MAGI1: variants seen among roughly 807,000 people sequenced by gnomAD.
MAGI1 encodes the protein membrane-associated guanylate kinase, WW and PDZ domain-containing protein 1.
MAGI1 carries 58 observed loss-of-function variants against 139.9 expected under a neutral mutation model. That is an observed-to-expected ratio of 0.41 (90% CI 0.34 to 0.52). The LOEUF is 0.52. Ranked by LOEUF, MAGI1 falls within the 20% of genes least tolerant of loss-of-function variation. The pLI is 0.12. For synonymous variants in MAGI1, 812 were observed against 737.9 expected (o/e 1.10, Z -1.63); for missense variants, 1,874 against 1,901.6 (o/e 0.99, Z 0.27).
intron 1 of MAGI1, among the ~76,000 whole-genome samples, chr3:65,939,725 C>T (rs534734417): frequency 6.5e-4 from 99 of 152,108 alleles, no homozygotes; most frequent in Non-Finnish European, 1.1e-3. Flanking sequence ...AAAGGGAAAT[C>T]GATTTGGGGA....
chr3:65,547,415 G>T (rs916511611), intron 2 of MAGI1, among the ~76,000 whole-genome samples: 5 of 152,258 alleles, frequency 3.3e-5, no homozygotes, highest in African/African-American at 1.2e-4. Flanking sequence ...TATTACCAGA[G>T]TATAACATAT....
intron 1 of MAGI1, among the ~76,000 whole-genome samples, chr3:65,707,932 G>A (rs2030671159): frequency 6.6e-6 from 1 of 152,122 alleles, no homozygotes; most frequent in African/African-American, 2.4e-5. Context: ...GGCTGTAACT[G>A]TGTGAAGAAT....
At chr3:66,027,948 G>T (rs1367790804) in intron 1 of MAGI1, among the ~76,000 whole-genome samples, 1 of 152,234 alleles carries the variant, frequency 6.6e-6, no homozygotes, top group Non-Finnish European at 1.5e-5. Context: ...GAACAAACTT[G>T]CCCCCAGCTG....
At position 65,582,398 on chromosome 3, in the gene MAGI1, A is replaced by G. The variant is rs139765011; in HGVS notation, c.430+39574T>C. Among the ~76,000 whole-genome samples the G allele has an allele frequency of 7.4e-4, 112 of 152,290 alleles. 2 individuals are homozygous for G. Among genetic ancestry groups the G allele is most frequent in the African/African-American group, 2.5e-3 (106 of 41,572 alleles). On this transcript the variant is annotated intron_variant, in intron 2 of 22. Transcript: ENST00000402939. ...ACCTAGTCTCCTCATGGTTGGTTCA[A>G]AAAAATCACAGTTAGCAACAATATG...
At chr3:65,416,351 T>A (rs1046668678) in intron 12 of MAGI1, among the ~76,000 whole-genome samples, 2 of 152,196 alleles carry the variant, frequency 1.3e-5, no homozygotes, top group Admixed American at 1.3e-4. Flanking sequence ...TTATTATGAC[T>A]GCTATTCTAT....
chr3:65,537,242 C>T (rs551942564), intron 2 of MAGI1, among the ~76,000 whole-genome samples: 1 of 152,226 alleles, frequency 6.6e-6, no homozygotes, highest in East Asian at 1.9e-4. Context: ...AAGCTATTAC[C>T]TCTCCCTATG....
At chr3:65,411,221 T>G (rs1204556230) in intron 12 of MAGI1, among the ~76,000 whole-genome samples, 1 of 152,230 alleles carries the variant, frequency 6.6e-6, no homozygotes, top group South Asian at 2.1e-4. Flanking sequence ...ATTGTGGCAT[T>G]TAGAAGTCGG....
chr3:65,570,856 G>C (rs901613052), intron 2 of MAGI1, among the ~76,000 whole-genome samples: 1 of 152,210 alleles, frequency 6.6e-6, no homozygotes, highest in Non-Finnish European at 1.5e-5. Context: ...CAGGCTGCCT[G>C]GTTGTTTGGG....
chr3:65,414,407 C>T (rs549846616), intron 12 of MAGI1, among the ~76,000 whole-genome samples: 1 of 152,228 alleles, frequency 6.6e-6, no homozygotes, highest in South Asian at 2.1e-4. Flanking sequence ...CGAATATAAC[C>T]CCGGCCTTGA....
intron 1 of MAGI1, among the ~76,000 whole-genome samples, chr3:65,906,184 C>T (rs574829169): frequency 5.9e-5 from 9 of 152,138 alleles, no homozygotes; most frequent in South Asian, 4.2e-4. Context: ...ATATATTACT[C>T]GAAATAGGAC....
chr3:65,707,549 G>A (rs544729254), intron 1 of MAGI1, among the ~76,000 whole-genome samples: 47 of 152,126 alleles, frequency 3.1e-4, no homozygotes, highest in Non-Finnish European at 4.7e-4. Context: ...AAATAGTCAG[G>A]CATGGTTGTG....
intron 1 of MAGI1, among the ~76,000 whole-genome samples, chr3:65,935,812 CT>C (rs2063023683): frequency 6.6e-6 from 1 of 152,194 alleles, no homozygotes; most frequent in African/African-American, 2.4e-5. Context: ...GGAAGCCAGT[CT>C]AGCCTACTGG....
chr3:65,510,148 AT>A (rs1205554401), intron 2 of MAGI1, among the ~76,000 whole-genome samples: 1 of 152,208 alleles, frequency 6.6e-6, no homozygotes, highest in Admixed American at 6.5e-5. Flanking sequence ...CCAAAAACCC[AT>A]CTGTACATCA....
intron 2 of MAGI1, among the ~76,000 whole-genome samples, chr3:65,501,516 C>A (rs1359431856): frequency 6.7e-6 from 1 of 148,344 alleles, no homozygotes. Context: ...TTAGCCACCA[C>A]AAACCTATTA....
chr3:65,432,986 C>A (rs182531461), intron 10 of MAGI1, among the ~76,000 whole-genome samples: 7 of 152,284 alleles, frequency 4.6e-5, no homozygotes, highest in Middle Eastern at 3.4e-3. Context: ...TTACCACCTT[C>A]CAAAAGAATA....
At chr3:65,606,920 A>G (rs1056524553) in intron 2 of MAGI1, among the ~76,000 whole-genome samples, 1 of 152,078 alleles carries the variant, frequency 6.6e-6, no homozygotes, top group African/African-American at 2.4e-5. Flanking sequence ...GGCCTCCCAG[A>G]GTGCTGGGAT....
Position 65,740,186 on chromosome 3 carries a change from G to C in MAGI1, c.314-118098C>G, listed in dbSNP as rs549666698. Among the ~76,000 whole-genome samples the C allele has an allele frequency of 2.6e-5, 4 of 152,204 alleles. No individual in the cohort carries two copies. In the South Asian group the frequency reaches 8.3e-4, roughly 32 times the overall value. ...CAACCCATATTCATTTTTCTGCCAGGAAACACCACAAATCAATTTCCACTA... is the reference window on the plus strand; with the variant it reads ...CAACCCATATTCATTTTTCTGCCAGCAAACACCACAAATCAATTTCCACTA... On this transcript the variant is annotated intron_variant, in intron 1 of 22. Coordinates refer to ENST00000402939, the MANE Select transcript of MAGI1 (RefSeq NM_001033057.2).
intron 1 of MAGI1, among the ~76,000 whole-genome samples, chr3:65,968,907 G>A (rs534463227): frequency 1.3e-5 from 2 of 152,224 alleles, no homozygotes; most frequent in South Asian, 2.1e-4. Flanking sequence ...AATGCTTATC[G>A]TATGCTAAAC....
At chr3:65,916,574 G>A (rs1429169739) in intron 1 of MAGI1, among the ~76,000 whole-genome samples, 7 of 151,930 alleles carry the variant, frequency 4.6e-5, no homozygotes, top group Non-Finnish European at 1.0e-4. Flanking sequence ...GAACAGAATG[G>A]GAAAAACCAC....
Sources: allele counts gnomAD v4.1 joint callset (sites outside exome capture counted in the v4.1 genomes callset), GRCh38; gene constraint gnomAD v4.1.1; transcripts MANE v1.5; gene names NCBI Gene and HGNC (gene_info 2026-07-23, HGNC 2026-07-21).